The following PRR16 variants were observed in gnomAD, a reference collection of about 807,000 sequenced individuals.
PRR16 encodes the protein proline rich 16.
PRR16 carries 6 observed loss-of-function variants against 18.2 expected under a neutral mutation model. The ratio of observed to expected loss-of-function variants is 0.33; its 90% CI spans 0.18 to 0.65. The LOEUF is 0.65. Among genes scored for constraint, PRR16 ranks in the 30% least tolerant of loss-of-function variants. The pLI is 0.74. For synonymous variants in PRR16, 151 were observed against 147.8 expected (o/e 1.02, Z -0.16); for missense variants, 412 against 376.6 (o/e 1.09, Z -0.78).
chr5:120,723,932 T>G, the PRR16 span, among the ~76,000 whole-genome samples: 25 of 151,620 alleles, frequency 1.6e-4, 1 homozygote, highest in Admixed American at 2.6e-4. Context: ...ATTTTATGAT[T>G]ATCAAATAAG....
chr5:120,764,237 A>C, the PRR16 span, among the ~76,000 whole-genome samples: 1 of 152,056 alleles, frequency 6.6e-6, no homozygotes, highest in African/African-American at 2.4e-5. Flanking sequence ...TGTTCCTTCT[A>C]TGCCTAGTTT....
the PRR16 span, among the ~76,000 whole-genome samples, chr5:120,741,129 A>T: frequency 5.6e-4 from 85 of 152,030 alleles, no homozygotes; most frequent in East Asian, 1.2e-3. Flanking sequence ...TAAATTAAAA[A>T]TTTTTTTATA....
chr5:120,787,825 T>C, the PRR16 span, among the ~76,000 whole-genome samples: 1 of 152,088 alleles, frequency 6.6e-6, no homozygotes, highest in Non-Finnish European at 1.5e-5. Context: ...CTCATCAAAA[T>C]TTTTCAACAT....
At chr5:120,789,548 T>C in the PRR16 span, among the ~76,000 whole-genome samples, 3 of 152,108 alleles carry the variant, frequency 2.0e-5, no homozygotes, top group Non-Finnish European at 2.9e-5. Flanking sequence ...TCTTACATTA[T>C]ACAGTGTTGT....
intron 1 of PRR16, among the ~76,000 whole-genome samples, chr5:120,560,091 T>C (rs1156502601): frequency 6.6e-6 from 1 of 152,008 alleles, no homozygotes; most frequent in African/African-American, 2.4e-5. Context: ...ACATGGATAA[T>C]TTGGTATCTT....
At chr5:120,769,585 C>T in the PRR16 span, among the ~76,000 whole-genome samples, 5 of 151,746 alleles carry the variant, frequency 3.3e-5, no homozygotes, top group Non-Finnish European at 7.4e-5. Flanking sequence ...TATGTATGTA[C>T]CATATTTTCT....
intron 1 of PRR16, among the ~76,000 whole-genome samples, chr5:120,641,723 T>C (rs1461314324): frequency 2.0e-5 from 3 of 152,120 alleles, no homozygotes; most frequent in Non-Finnish European, 4.4e-5. Flanking sequence ...AACTGTTCTC[T>C]GAAAAAATGT....
the PRR16 span, among the ~76,000 whole-genome samples, chr5:120,767,469 A>G: frequency 6.6e-6 from 1 of 151,880 alleles, no homozygotes; most frequent in African/African-American, 2.4e-5. Context: ...ACTGGGGCAA[A>G]GTGATGTCAG....
intron 1 of PRR16, among the ~76,000 whole-genome samples, chr5:120,594,208 A>C (rs1432545590): frequency 6.6e-6 from 1 of 152,132 alleles, no homozygotes; most frequent in Non-Finnish European, 1.5e-5. Flanking sequence ...GAGGAAGTCA[A>C]ACTATCCCTA....
intron 1 of PRR16, among the ~76,000 whole-genome samples, chr5:120,609,406 T>TA (rs5870900): frequency 0.053 from 7,985 of 150,790 alleles, 520 homozygotes; most frequent in African/African-American, 0.16. Flanking sequence ...TCCTACTTTC[T>TA]AAAAAAAAAA....
At chr5:120,551,067 A>G (rs1752239781) in intron 1 of PRR16, among the ~76,000 whole-genome samples, 1 of 151,174 alleles carries the variant, frequency 6.6e-6, no homozygotes, top group African/African-American at 2.4e-5. Flanking sequence ...TGGAAAATCT[A>G]CTCTCTTAAA....
At chr5:120,709,485 A>G in the PRR16 span, among the ~76,000 whole-genome samples, 1 of 152,038 alleles carries the variant, frequency 6.6e-6, no homozygotes, top group African/African-American at 2.4e-5. Context: ...TCATTTCTTT[A>G]TGTTGTGACC....
chr5:120,464,360 C>A lies in PRR16; in HGVS notation c.-127C>A. ...GAGCGCGGAGCGCAGCCACTCGCCG[C>A]TGCCCAGGGAGCGCCCAAGATGTGG... On this transcript the variant is annotated 5_prime_UTR_variant, in exon 1 of 2. The change creates a new upstream start codon in the 5' untranslated region. Transcript: ENST00000407149. The A allele has an allele frequency of 1.9e-6, 2 of 1,076,946 alleles. No homozygotes were observed. The highest frequency in any genetic ancestry group is 2.5e-6 in the Non-Finnish European group (2 of 808,342). 66.7% of individuals were successfully genotyped at this position (1,076,946 alleles called of 1,614,324 possible). A position where few individuals can be genotyped will look rare whatever the true frequency, so the allele number is the denominator to read the frequency against.
chr5:120,608,812 C>T (rs1295477592), intron 1 of PRR16, among the ~76,000 whole-genome samples: 1 of 152,006 alleles, frequency 6.6e-6, no homozygotes, highest in East Asian at 1.9e-4. Flanking sequence ...TGTATTTTGA[C>T]CTTCGAAAAT....
At chr5:120,741,801 A>G in the PRR16 span, among the ~76,000 whole-genome samples, 4 of 151,942 alleles carry the variant, frequency 2.6e-5, no homozygotes, top group Non-Finnish European at 4.4e-5. Context: ...GGTTTTCTCC[A>G]TGTTGGCCAG....
intron 1 of PRR16, among the ~76,000 whole-genome samples, chr5:120,488,229 GCTC>G (rs1175720152): frequency 5.9e-5 from 9 of 152,158 alleles, no homozygotes; most frequent in South Asian, 4.1e-4. Flanking sequence ...AATGGTACCA[GCTC>G]CTCCTTGTAC....
chr5:120,699,657 T>TA, the PRR16 span, among the ~76,000 whole-genome samples: 2 of 152,126 alleles, frequency 1.3e-5, no homozygotes, highest in Non-Finnish European at 2.9e-5. Context: ...CTATAAGTAT[T>TA]AAAGCAGTGG....
intron 1 of PRR16, among the ~76,000 whole-genome samples, chr5:120,669,557 A>C (rs938125282): frequency 6.6e-6 from 1 of 152,124 alleles, no homozygotes; most frequent in Non-Finnish European, 1.5e-5. Flanking sequence ...TACATTTGAA[A>C]ATCATGTGTC....
chr5:120,514,003 C>T (rs1472795122), intron 1 of PRR16, among the ~76,000 whole-genome samples: 1 of 152,074 alleles, frequency 6.6e-6, no homozygotes, highest in Non-Finnish European at 1.5e-5. Flanking sequence ...CGTGATCCAC[C>T]CACCTCGGCC....
Sources: gnomAD v4.1 joint callset for allele counts (sites outside exome capture counted in the v4.1 genomes callset) on GRCh38, gnomAD v4.1.1 for gene constraint, MANE v1.5 for transcripts, NCBI Gene and HGNC (gene_info 2026-07-23, HGNC 2026-07-21) for gene names.